Variants in A1CF observed in about 807,000 individuals in gnomAD.
The protein encoded by A1CF is APOBEC1 complementation factor, also known as APOBEC-1 stimulating protein.
A1CF carries 48 observed loss-of-function variants against 68.9 expected under a neutral mutation model. The ratio of observed to expected loss-of-function variants is 0.70; its 90% CI spans 0.55 to 0.89. A1CF has a LOEUF of 0.89. Among genes scored for constraint, A1CF ranks in the 40% least tolerant of loss-of-function variants. A1CF has a pLI of 0.00. For missense variants in A1CF, 653 were observed against 718.9 expected (o/e 0.91, Z 1.05); for synonymous variants, 272 against 260.4 (o/e 1.04, Z -0.43).
At position 50,816,517 on chromosome 10, in the gene A1CF, T is replaced by C. The variant is rs371572846; in HGVS notation, c.868-238A>G. On this transcript the variant is annotated intron_variant, in intron 8 of 12. Coordinates refer to ENST00000373997, the MANE Select transcript of A1CF (RefSeq NM_014576.4). ...ACAGTGACATATTGGCCAGTGTCCA[T>C]TGACATATTCATTATAAATTTACAA... 6.5e-5 allele frequency: 32 copies of C among 489,546 alleles called. No individual in the cohort carries two copies. In the East Asian group the frequency reaches 7.4e-4, roughly 11 times the overall value. 30.3% of individuals were successfully genotyped at this position (489,546 alleles called of 1,614,324 possible). A position where few individuals can be genotyped will look rare whatever the true frequency, so the allele number is the denominator to read the frequency against.
intron 1 of A1CF, among the ~76,000 whole-genome samples, chr10:50,883,016 C>A (rs1421663270): frequency 6.6e-6 from 1 of 152,084 alleles, no homozygotes; most frequent in South Asian, 2.1e-4. Context: ...AAAATATACT[C>A]TGTGTGTGTG....
At chr10:50,854,399 A>C (rs925769241) in intron 3 of A1CF, among the ~76,000 whole-genome samples, 3 of 152,082 alleles carry the variant, frequency 2.0e-5, no homozygotes, top group Admixed American at 2.0e-4. Context: ...TGAAAATATA[A>C]GAATGATCAT....
chr10:50,883,303 A>G (rs1261736850), intron 1 of A1CF, among the ~76,000 whole-genome samples: 1 of 152,168 alleles, frequency 6.6e-6, no homozygotes, highest in Non-Finnish European at 1.5e-5. Context: ...TCTAATTTAA[A>G]CTTCACAAAA....
At chr10:50,862,615 C>A (rs180707634) in intron 2 of A1CF, among the ~76,000 whole-genome samples, 1 of 152,314 alleles carries the variant, frequency 6.6e-6, no homozygotes, top group East Asian at 1.9e-4. Context: ...CTCTGTCCAG[C>A]TTTAGGGCAT....
intron 7 of A1CF, among the ~76,000 whole-genome samples, chr10:50,820,931 A>T (rs2132357257): frequency 6.6e-6 from 1 of 152,262 alleles, no homozygotes; most frequent in South Asian, 2.1e-4. Context: ...CATTTTATGT[A>T]ATGTAAAAGA....
chr10:50,839,413 G>A (rs1305087545), intron 5 of A1CF, among the ~76,000 whole-genome samples: 1 of 152,178 alleles, frequency 6.6e-6, no homozygotes, highest in Non-Finnish European at 1.5e-5. Context: ...GTAGCGTTTT[G>A]TAGCCCTTTC....
At chr10:50,859,279 G>A (rs2132524542) in intron 3 of A1CF, among the ~76,000 whole-genome samples, 1 of 152,144 alleles carries the variant, frequency 6.6e-6, no homozygotes, top group African/African-American at 2.4e-5. Flanking sequence ...TTTCTAAAAG[G>A]CAGTGTCTAT....
intron 2 of A1CF, among the ~76,000 whole-genome samples, chr10:50,860,653 A>T (rs1475416107): frequency 1.3e-5 from 2 of 152,222 alleles, no homozygotes; most frequent in African/African-American, 4.8e-5. Flanking sequence ...TGTAAATTTT[A>T]AAAAATGATG....
intron 3 of A1CF, 23 bp from the exon 4 acceptor site, chr10:50,844,145 A>T: frequency 6.2e-7 from 1 of 1,602,576 alleles, no homozygotes; most frequent in South Asian, 1.1e-5. Flanking sequence ...GGCAGGTGTG[A>T]AGGAGAGGAG....
At chr10:50,855,439 G>A (rs1488670440) in intron 3 of A1CF, among the ~76,000 whole-genome samples, 6 of 151,856 alleles carry the variant, frequency 4.0e-5, no homozygotes, top group Non-Finnish European at 7.4e-5. Context: ...GTTTAACTTA[G>A]TAATATTATA....
At chr10:50,847,438 A>G (rs1840052308) in intron 3 of A1CF, among the ~76,000 whole-genome samples, 1 of 152,160 alleles carries the variant, frequency 6.6e-6, no homozygotes, top group African/African-American at 2.4e-5. Flanking sequence ...CCTATCACAG[A>G]TATTTCAAGT....
intron 3 of A1CF, among the ~76,000 whole-genome samples, chr10:50,853,122 C>T (rs1378157872): frequency 2.6e-5 from 4 of 152,000 alleles, no homozygotes; most frequent in Non-Finnish European, 4.4e-5. Context: ...GTATTTTGTT[C>T]CTAGTTTGAG....
rs116476319 is a variant in A1CF, at chr10:50,834,592, G to C, written c.604+1482C>G. Among the ~76,000 whole-genome samples the C allele has an allele frequency of 5.4e-3, 821 of 152,288 alleles. 9 individuals carry two copies. Among genetic ancestry groups the C allele is most frequent in the African/African-American group, 0.019 (806 of 41,570 alleles). ...ATTGAATAATGAAATCACATATTTA[G>C]TTCTTACACACAGCAAGGAGTTATG... On this transcript the variant is annotated intron_variant, in intron 6 of 12. Coordinates refer to ENST00000373997, the MANE Select transcript of A1CF (RefSeq NM_014576.4).
At chr10:50,859,671 T>A (rs556848570) in intron 3 of A1CF, among the ~76,000 whole-genome samples, 171 bp downstream of exon 3, 1 of 152,332 alleles carries the variant, frequency 6.6e-6, no homozygotes, top group South Asian at 2.1e-4. Flanking sequence ...AAGGTTACAT[T>A]CAGTGTCATC....
chr10:50,883,515 G>C (rs998536178), intron 1 of A1CF, among the ~76,000 whole-genome samples: 3 of 152,174 alleles, frequency 2.0e-5, no homozygotes, highest in Non-Finnish European at 4.4e-5. Context: ...TTTGGTGGAA[G>C]ACTAGACTCT....
chr10:50,842,129 A>T, intron 4 of A1CF, 137 bp from the exon 5 acceptor site: 2 of 706,544 alleles, frequency 2.8e-6, no homozygotes, highest in Non-Finnish European at 4.5e-6. Flanking sequence ...ACTATTTGGC[A>T]TTTGCATCCC....
chr10:50,834,326 G>A (rs979128646), intron 6 of A1CF, among the ~76,000 whole-genome samples: 1 of 152,140 alleles, frequency 6.6e-6, no homozygotes, highest in African/African-American at 2.4e-5. Context: ...TGACTAATTC[G>A]GGCTGGAATA....
In A1CF at chr10:50,816,751, G is replaced by A. The variant is rs988483344; in HGVS notation, c.868-472C>T. 4.6e-5 allele frequency among the ~76,000 whole-genome samples: 7 copies of A among 152,136 alleles called. No individual in the cohort carries two copies. The East Asian group carries it at 9.6e-4, about 21-fold the overall frequency. Reference sequence around the variant, plus strand: ...TATCAATTATTAGCATTTAGCATGGGCAGCCAAATCAGGCCCTTCCAGCTG... The same window carrying A: ...TATCAATTATTAGCATTTAGCATGGACAGCCAAATCAGGCCCTTCCAGCTG... On this transcript the variant is annotated intron_variant, in intron 8 of 12. Coordinates refer to ENST00000373997, the MANE Select transcript of A1CF (RefSeq NM_014576.4).
chr10:50,843,868 G>A (rs1254901938), intron 4 of A1CF, 120 bp downstream of exon 4: 30 of 1,209,596 alleles, frequency 2.5e-5, no homozygotes, highest in South Asian at 2.2e-4. Context: ...TATAATTGAG[G>A]AATGGTAATT....
Sources: allele counts gnomAD v4.1 joint callset (sites outside exome capture counted in the v4.1 genomes callset), GRCh38; gene constraint gnomAD v4.1.1; transcripts MANE v1.5; gene names NCBI Gene and HGNC (gene_info 2026-07-23, HGNC 2026-07-21).